The following ZNF292 variants were observed in gnomAD, a reference collection of about 807,000 sequenced individuals.
ZNF292 encodes the protein 16 zinc-finger domain protein.
Under a neutral mutation model 217.9 loss-of-function variants are expected in ZNF292, and 26 were observed. That is an observed-to-expected ratio of 0.12 (90% CI 0.09 to 0.17). The LOEUF is 0.17. ZNF292 is among the 10% of genes least tolerant of loss of function. The pLI is 1.00. For missense variants in ZNF292, 2,904 were observed against 3,175.2 expected (o/e 0.91, Z 2.05); for synonymous variants, 1,257 against 1,124.1 (o/e 1.12, Z -2.37).
chr6:87,195,809 C>T (rs1387350428), intron 1 of ZNF292, among the ~76,000 whole-genome samples: 1 of 152,068 alleles, frequency 6.6e-6, no homozygotes, highest in Non-Finnish European at 1.5e-5. Flanking sequence ...AGGTGGATCA[C>T]CTGAGGTCAG....
intron 4 of ZNF292, chr6:87,222,692 T>C (rs531333012): frequency 2.5e-6 from 1 of 401,312 alleles, no homozygotes; most frequent in South Asian, 1.9e-5. Context: ...TAAACTAATA[T>C]TTATACTTTG....
At chr6:87,185,518 A>AACCC (rs1771618814) in intron 1 of ZNF292, among the ~76,000 whole-genome samples, 1 of 152,188 alleles carries the variant, frequency 6.6e-6, no homozygotes, top group Non-Finnish European at 1.5e-5. Flanking sequence ...CTTGCCCTGT[A>AACCC]ACCCAGGCTG....
At chr6:87,191,080 T>C (rs1401655700) in intron 1 of ZNF292, among the ~76,000 whole-genome samples, 1 of 152,180 alleles carries the variant, frequency 6.6e-6, no homozygotes, top group African/African-American at 2.4e-5. Flanking sequence ...CATACTTTTT[T>C]TTTAACCTAA....
Position 87,259,055 on chromosome 6 carries a change from C to T in ZNF292, c.5426C>T (p.Ser1809Phe), listed in dbSNP as rs772258095. 1.2e-6 allele frequency: 2 copies of T among 1,613,184 alleles called. No homozygotes were observed. The highest frequency in any genetic ancestry group is 2.2e-5 in the South Asian group (2 of 90,992). The change falls in exon 8 of 8, where the codon TCT (serine) becomes TTT (phenylalanine). Residue 1809 changes from serine to phenylalanine, a missense_variant. Physicochemically the swap from Ser to Phe is radical, Grantham distance 155. Coordinates refer to ENST00000369577, the MANE Select transcript of ZNF292 (RefSeq NM_015021.3). ...NTVQNNKLPDSSPFSSFISVM... is the reference protein window; with the variant it reads ...NTVQNNKLPDFSPFSSFISVM... ...GTGCAAAATAACAAATTACCCGATTCTTCTCCGTTTTCCTCCTTTATAAGT... is the reference window on the plus strand; with the variant it reads ...GTGCAAAATAACAAATTACCCGATTTTTCTCCGTTTTCCTCCTTTATAAGT...
chr6:87,187,944 T>G (rs1018369358), intron 1 of ZNF292, among the ~76,000 whole-genome samples: 4 of 152,164 alleles, frequency 2.6e-5, no homozygotes, highest in Admixed American at 1.3e-4. Context: ...TGCTTATTAC[T>G]GCCATATGGG....
chr6:87,238,440 C>T (rs935475741), intron 5 of ZNF292, among the ~76,000 whole-genome samples: 3 of 149,952 alleles, frequency 2.0e-5, no homozygotes, highest in Admixed American at 1.3e-4. Context: ...GAGTCGAGAT[C>T]GCACCATTGC....
chr6:87,197,336 C>A (rs934312739), intron 1 of ZNF292, among the ~76,000 whole-genome samples: 2 of 151,740 alleles, frequency 1.3e-5, no homozygotes, highest in African/African-American at 4.8e-5. Context: ...TTTAGTATTT[C>A]ATTTAATTGC....
intron 7 of ZNF292, among the ~76,000 whole-genome samples, chr6:87,250,184 G>C (rs959202897): frequency 1.3e-5 from 2 of 151,924 alleles, no homozygotes; most frequent in Non-Finnish European, 2.9e-5. Context: ...AGGTGTGATG[G>C]CTCACCTGTA....
intron 1 of ZNF292, among the ~76,000 whole-genome samples, chr6:87,213,407 A>G (rs1772587214): frequency 6.6e-6 from 1 of 152,138 alleles, no homozygotes; most frequent in African/African-American, 2.4e-5. Context: ...CGGACAGGGG[A>G]GGGGAAGGAG....
intron 1 of ZNF292, chr6:87,174,025 T>TA: frequency 3.8e-6 from 1 of 259,840 alleles, no homozygotes; most frequent in Non-Finnish European, 7.8e-6. Flanking sequence ...TTGATCATCA[T>TA]AAATATCTCC....
chr6:87,260,118 T>G lies in ZNF292; in HGVS notation c.6489T>G (p.Thr2163=). The change falls in exon 8 of 8, where the codon ACT becomes ACG. Residue 2163 remains threonine, a synonymous_variant. Coordinates refer to ENST00000369577, the MANE Select transcript of ZNF292 (RefSeq NM_015021.3). ...ESEAGKESEE[T]ETKQTLKEFR... Reference sequence around the variant, plus strand: ...AAGCTGGTAAAGAAAGTGAAGAAACTGAAACTAAACAAACTTTGAAAGAAT... The same window carrying G: ...AAGCTGGTAAAGAAAGTGAAGAAACGGAAACTAAACAAACTTTGAAAGAAT... 1 of 1,613,494 alleles carries G rather than the reference T, an allele frequency of 6.2e-7. No individual in the cohort carries two copies. The highest frequency in any genetic ancestry group is 8.5e-7 in the Non-Finnish European group (1 of 1,179,632).
intron 1 of ZNF292, among the ~76,000 whole-genome samples, chr6:87,193,696 G>C (rs890870578): frequency 1.3e-5 from 2 of 152,156 alleles, no homozygotes; most frequent in Admixed American, 6.5e-5. Flanking sequence ...ACAGCTCAGT[G>C]TGCACAACCT....
At position 87,264,218 on chromosome 6, in the gene ZNF292, C is replaced by G. The variant is rs1370543325; in HGVS notation, c.*2417C>G. On this transcript the variant is annotated 3_prime_UTR_variant, in exon 8 of 8. Transcript: ENST00000369577. ...GGTATACTTTTCCCCAGCCTATTGT[C>G]TTGAGATATCTTCTACAGCCTAAAT... The G allele has an allele frequency of 6.6e-6, 1 of 152,026 alleles. No individual in the cohort carries two copies. The highest frequency in any genetic ancestry group is 2.4e-5 in the African/African-American group (1 of 41,384). 9.4% of individuals were successfully genotyped at this position (152,026 alleles called of 1,614,324 possible).
chr6:87,185,223 A>G (rs550304092), intron 1 of ZNF292, among the ~76,000 whole-genome samples: 11 of 152,340 alleles, frequency 7.2e-5, no homozygotes, highest in African/African-American at 2.4e-4. Context: ...TGCAACTCAT[A>G]TGATGCAAAT....
chr6:87,214,217 C>T (rs16878712), intron 1 of ZNF292, among the ~76,000 whole-genome samples: 12,430 of 152,102 alleles, frequency 0.082, 861 homozygotes, highest in African/African-American at 0.19. Context: ...ATCTCATGAC[C>T]AGCTACAATG....
In ZNF292 at chr6:87,258,668, A is replaced by G. The variant is rs546872525; in HGVS notation, c.5039A>G (p.Gln1680Arg). 6.2e-7 allele frequency: 1 copy of G among 1,613,424 alleles called. No individual in the cohort carries two copies. The highest frequency in any genetic ancestry group is 8.5e-7 in the Non-Finnish European group (1 of 1,179,706). The change falls in exon 8 of 8, where the codon CAG (glutamine) becomes CGG (arginine). Residue 1680 changes from glutamine (Q) to arginine (R), a missense_variant. Gln to Arg is a conservative substitution (Grantham distance 43). Coordinates refer to ENST00000369577, the MANE Select transcript of ZNF292 (RefSeq NM_015021.3). ...AATGTAATTCCAACTTGTGAACCTC[A>G]GAGTTTGGTGGAAAATCTAACACAG... ...HSNVIPTCEP[Q>R]SLVENLTQKL...
intron 5 of ZNF292, among the ~76,000 whole-genome samples, chr6:87,233,962 A>G (rs1370851977): frequency 6.6e-6 from 1 of 152,178 alleles, no homozygotes; most frequent in African/African-American, 2.4e-5. Context: ...GAATATATAT[A>G]TGCACATCTA....
rs1297070253 is a variant in ZNF292 at position 87,260,168 on chromosome 6, C to G, written c.6539C>G (p.Ser2180Cys). The change falls in exon 8 of 8, where the codon TCT (serine) becomes TGT (cysteine). Residue 2180 changes from serine to cysteine, a missense_variant. By Grantham distance (112) the Ser-to-Cys change is moderately radical. Coordinates refer to ENST00000369577, the MANE Select transcript of ZNF292 (RefSeq NM_015021.3). ...KEFRCQVSDC[S>C]RIFQAITGLI... The stretch of plus-strand genomic sequence containing the variant: ...TTTCGATGTCAGGTAAGTGACTGTT[C>G]TCGAATTTTCCAAGCAATTACTGGC... 1.2e-6 allele frequency: 2 copies of G among 1,612,742 alleles called. No individual in the cohort carries two copies. Among genetic ancestry groups the G allele is most frequent in the Non-Finnish European group, 1.7e-6 (2 of 1,178,998 alleles).
At chr6:87,235,408 T>TG (rs1487406862) in intron 5 of ZNF292, among the ~76,000 whole-genome samples, 2 of 151,358 alleles carry the variant, frequency 1.3e-5, no homozygotes, top group East Asian at 1.9e-4. Flanking sequence ...GTATAAGCAT[T>TG]GGGGGGGATT....
Sources: allele counts gnomAD v4.1 joint callset (sites outside exome capture counted in the v4.1 genomes callset), GRCh38; gene constraint gnomAD v4.1.1; transcripts MANE v1.5; gene names NCBI Gene and HGNC (gene_info 2026-07-23, HGNC 2026-07-21).